Variants in FLT1 observed in about 807,000 individuals in gnomAD.
The protein encoded by FLT1 is fms related receptor tyrosine kinase 1.
FLT1 carries 49 observed loss-of-function variants against 156.3 expected under a neutral mutation model. That is an observed-to-expected ratio of 0.31 (90% CI 0.25 to 0.40). FLT1 has a LOEUF of 0.40. Ranked by LOEUF, FLT1 falls within the 10% of genes least tolerant of loss-of-function variation. The pLI, the probability that FLT1 is intolerant of heterozygous loss-of-function variation, is 1.00. For synonymous variants in FLT1, 594 were observed against 583.8 expected (o/e 1.02, Z -0.25); for missense variants, 1,322 against 1,637.2 (o/e 0.81, Z 3.32).
chr13:28,426,259 C>T (rs1877336473), intron 10 of FLT1, among the ~76,000 whole-genome samples: 1 of 151,772 alleles, frequency 6.6e-6, no homozygotes, highest in Non-Finnish European at 1.5e-5. Flanking sequence ...ATTGTTGCAC[C>T]TATCAAGTCT....
intron 13 of FLT1, chr13:28,386,253 C>T (rs1874353788): frequency 1.9e-6 from 2 of 1,051,538 alleles, no homozygotes; most frequent in African/African-American, 1.7e-5. Flanking sequence ...CCTTTTGAGT[C>T]CTGCAGGGCA....
At chr13:28,478,913 A>G (rs944559271) in intron 1 of FLT1, among the ~76,000 whole-genome samples, 1 of 152,230 alleles carries the variant, frequency 6.6e-6, no homozygotes, top group Non-Finnish European at 1.5e-5. Context: ...TCGATTACAA[A>G]TAATGACAGA....
At position 28,429,042 on chromosome 13, in the gene FLT1, A is replaced by C. The variant is rs141426725; in HGVS notation, c.1106+1008T>G. 5.7e-3 allele frequency among the ~76,000 whole-genome samples: 865 copies of C among 152,290 alleles called. 15 individuals carry two copies. Among genetic ancestry groups the C allele is most frequent in the African/African-American group, 0.02 (824 of 41,560 alleles). ...AACACTAACAGATGAGCGTGCCCTC[A>C]GACACTGGAAGAGTGAATGTACCTC... On this transcript the variant is annotated intron_variant, in intron 8 of 29. Transcript: ENST00000282397.
At chr13:28,385,281 G>C (rs2137450131) in intron 13 of FLT1, among the ~76,000 whole-genome samples, 1 of 152,290 alleles carries the variant, frequency 6.6e-6, no homozygotes, top group East Asian at 1.9e-4. Context: ...TCAATACAAA[G>C]GCTTTTGCCT....
At chr13:28,331,052 T>A (rs1871912198) in intron 18 of FLT1, among the ~76,000 whole-genome samples, 1 of 152,224 alleles carries the variant, frequency 6.6e-6, no homozygotes, top group Non-Finnish European at 1.5e-5. Flanking sequence ...ATTAATGGTG[T>A]CCCTGACATT....
intron 10 of FLT1, among the ~76,000 whole-genome samples, chr13:28,426,304 C>G (rs1479778942): frequency 6.6e-6 from 1 of 152,058 alleles, no homozygotes; most frequent in Non-Finnish European, 1.5e-5. Context: ...CATAAACTAT[C>G]CTTAGTATCA....
intron 18 of FLT1, among the ~76,000 whole-genome samples, chr13:28,333,524 C>G (rs12858859): frequency 6.6e-6 from 1 of 152,158 alleles, no homozygotes; most frequent in African/African-American, 2.4e-5. Context: ...GGTTTTTAAA[C>G]TGCTAAAGAG....
At chr13:28,473,600 G>A (rs1223734153) in intron 1 of FLT1, among the ~76,000 whole-genome samples, 1 of 150,588 alleles carries the variant, frequency 6.6e-6, no homozygotes, top group East Asian at 1.9e-4. Context: ...AGCCAAGACT[G>A]CGCAATTGCA....
At chr13:28,309,424 G>A (rs1870898221) in intron 27 of FLT1, among the ~76,000 whole-genome samples, 2 of 152,250 alleles carry the variant, frequency 1.3e-5, no homozygotes, top group Non-Finnish European at 1.5e-5. Flanking sequence ...GGAGAATTGG[G>A]TAGTGTTGTA....
At chr13:28,490,994 A>G (rs563340160) in intron 1 of FLT1, among the ~76,000 whole-genome samples, 5 of 152,146 alleles carry the variant, frequency 3.3e-5, no homozygotes, top group Admixed American at 6.5e-5. Flanking sequence ...CCACATACAC[A>G]TATCAGTTTA....
At chr13:28,426,679 A>G (rs899244234) in intron 10 of FLT1, among the ~76,000 whole-genome samples, 1 of 152,320 alleles carries the variant, frequency 6.6e-6, no homozygotes, top group Admixed American at 6.5e-5. Context: ...GGAGGCAGGC[A>G]ATGGGTGGAG....
intron 10 of FLT1, among the ~76,000 whole-genome samples, chr13:28,420,685 G>GTTTTATATAAATGT: frequency 6.6e-6 from 1 of 152,136 alleles, no homozygotes; most frequent in African/African-American, 2.4e-5. Flanking sequence ...AACTGTTACA[G>GTTTTATATAAATGT]CATAAAAATA....
At chr13:28,430,255 A>G (rs1424626104) in intron 7 of FLT1, 88 bp from the exon 8 acceptor site, 4 of 870,878 alleles carry the variant, frequency 4.6e-6, no homozygotes, top group Non-Finnish European at 7.7e-6. Context: ...GGTGTAATCA[A>G]TGAGTAAATA....
At chr13:28,489,070 G>A (rs1245865166) in intron 1 of FLT1, among the ~76,000 whole-genome samples, 3 of 152,192 alleles carry the variant, frequency 2.0e-5, no homozygotes, top group East Asian at 1.9e-4. Context: ...AGGCCCCAGC[G>A]AAGCATCATG....
intron 3 of FLT1, among the ~76,000 whole-genome samples, chr13:28,458,647 G>A (rs537309630): frequency 6.6e-6 from 1 of 152,174 alleles, no homozygotes; most frequent in African/African-American, 2.4e-5. Flanking sequence ...CATATATCAG[G>A]GTCTTCTATA....
At position 28,466,916 on chromosome 13, in the gene FLT1, A is replaced by G; in HGVS notation, c.375T>C (p.Tyr125=). ...TGGAAGTCTTACCACTAATAAATAT[A>G]TAGATTGCAGATTCTGTTTCCTTCT... is the stretch of plus-strand genomic sequence containing the variant. ...SKKKETESAI[Y]IFISDTGRPF... is the part of the protein sequence containing the mutation. The change falls in exon 3 of 30, where the codon TAT becomes TAC. Residue 125 remains tyrosine (Y), a synonymous_variant. Transcript: ENST00000282397. The G allele has an allele frequency of 1.9e-6, 3 of 1,605,342 alleles. No individual in the cohort carries two copies. The highest frequency in any genetic ancestry group is 2.6e-6 in the Non-Finnish European group (3 of 1,171,976).
chr13:28,471,478 ATTCAACAT>A (rs1213987041), intron 1 of FLT1, among the ~76,000 whole-genome samples: 2 of 152,192 alleles, frequency 1.3e-5, no homozygotes, highest in African/African-American at 4.8e-5. Context: ...AGTAACAAAG[ATTCAACAT>A]TTGTTTTAGC....
intron 3 of FLT1, among the ~76,000 whole-genome samples, chr13:28,445,121 T>A (rs1878537643): frequency 6.6e-6 from 1 of 151,978 alleles, no homozygotes; most frequent in South Asian, 2.1e-4. Context: ...CAAACACAAC[T>A]AATAAACCTT....
rs775829545 is a variant in FLT1 at position 28,345,501 on chromosome 13, C to A, written c.2299G>T (p.Val767Leu). 6.2e-7 allele frequency: 1 copy of A among 1,613,456 alleles called. No individual in the cohort carries two copies. Among genetic ancestry groups the A allele is most frequent in the Non-Finnish European group, 8.5e-7 (1 of 1,179,634 alleles). ...LELITLTCTCVAATLFWLLLT... is the reference protein window; with the variant it reads ...LELITLTCTCLAATLFWLLLT... ...AGGAGCCAGAAGAGAGTCGCAGCCACACAGGTGCATGTTAGAGTGATCAGC... is the reference window on the plus strand; with the variant it reads ...AGGAGCCAGAAGAGAGTCGCAGCCAAACAGGTGCATGTTAGAGTGATCAGC... The change falls in exon 16 of 30, where the codon GTG becomes TTG. Residue 767 changes from valine (V) to leucine (L), a missense_variant. Val to Leu is a conservative substitution (Grantham distance 32). This residue lies in a region of FLT1 where 991 missense variants were observed against 1,254.8 expected (regional missense o/e 0.79). Coordinates refer to ENST00000282397, the MANE Select transcript of FLT1 (RefSeq NM_002019.4).
Sources: gnomAD v4.1 joint callset for allele counts (sites outside exome capture counted in the v4.1 genomes callset) on GRCh38, gnomAD v4.1.1 for gene constraint, gnomAD v4.1.1 regional missense constraint, MANE v1.5 for transcripts, NCBI Gene and HGNC (gene_info 2026-07-23, HGNC 2026-07-21) for gene names.